The following SHANK1 variants were observed in gnomAD, a reference collection of about 807,000 sequenced individuals.
SHANK1 encodes the protein SH3 and multiple ankyrin repeat domains 1, also known as SH3 and multiple ankyrin repeat domains protein 1.
A neutral mutation model predicts 165.6 loss-of-function variants in SHANK1; 35 were observed. That is an observed-to-expected ratio of 0.21 (90% confidence interval 0.16 to 0.28). SHANK1 has a LOEUF of 0.28. Ranked by LOEUF, SHANK1 falls within the 10% of genes least tolerant of loss-of-function variation. The probability of loss-of-function intolerance (pLI) is 1.00; values close to 1 mark genes in which losing one functional copy is unlikely to be tolerated. For synonymous variants in SHANK1, 1,428 were observed against 1,384.8 expected (o/e 1.03, Z -0.69); for missense variants, 2,681 against 3,036.4 (o/e 0.88, Z 2.75).
At chr19:50,677,048 G>T (rs911635103) in intron 21 of SHANK1, among the ~76,000 whole-genome samples, 1 of 152,156 alleles carries the variant, frequency 6.6e-6, no homozygotes, top group Non-Finnish European at 1.5e-5. Flanking sequence ...GGCTAAGATG[G>T]TGGAGCAGAA....
intron 8 of SHANK1, among the ~76,000 whole-genome samples, chr19:50,707,511 A>G (rs4801851): frequency 0.32 from 48,907 of 151,616 alleles, 8,359 homozygotes; most frequent in African/African-American, 0.39. Context: ...GCCCAGGGCC[A>G]CACAACCAGT....
Position 50,716,722 on chromosome 19 carries a change from G to T in SHANK1, c.198C>A (p.Asp66Glu). The change falls in exon 2 of 24, where the codon GAC becomes GAA. Residue 66 changes from aspartate (D) to glutamate (E), a missense_variant. This residue lies in a region of SHANK1 where 118 missense variants were observed against 106.9 expected (regional missense o/e 1.10). Coordinates refer to ENST00000293441, the MANE Select transcript of SHANK1 (RefSeq NM_016148.5). This position sits in a 1 kb window ranked among gnomAD's most constrained non-coding sequence, Gnocchi z 8.4. Reference sequence around the variant, plus strand: ...AGACCATCATGCTGAAGTGGGCGTCGTCTGGGACGGACATTGAGCGGCCCT... The same window carrying T: ...AGACCATCATGCTGAAGTGGGCGTCTTCTGGGACGGACATTGAGCGGCCCT... ...GLQGRSMSVP[D>E]DAHFSMMVFR... 1.2e-6 allele frequency: 2 copies of T among 1,605,900 alleles called. No individual in the cohort carries two copies. The highest frequency in any genetic ancestry group is 1.7e-6 in the Non-Finnish European group (2 of 1,176,098).
intron 12 of SHANK1, among the ~76,000 whole-genome samples, chr19:50,701,871 GT>G (rs1986926521): frequency 6.6e-6 from 1 of 152,214 alleles, no homozygotes; most frequent in Non-Finnish European, 1.5e-5. Context: ...CCAGATGAAG[GT>G]GGAAAAACCA....
chr19:50,679,943 GAGAT>G (rs1004214365), intron 21 of SHANK1, among the ~76,000 whole-genome samples: 3 of 151,902 alleles, frequency 2.0e-5, no homozygotes, highest in African/African-American at 7.3e-5. Context: ...TAGGGAGACA[GAGAT>G]AGAGAGACAG....
chr19:50,661,517 G>T lies in SHANK1; in HGVS notation c.*448C>A, dbSNP rs1985221689. Among the ~76,000 whole-genome samples, 1 of 151,022 alleles carries T rather than the reference G, an allele frequency of 6.6e-6. No individual in the cohort carries two copies. Among genetic ancestry groups the T allele is most frequent in the Non-Finnish European group, 1.5e-5 (1 of 67,742 alleles). ...GTGCTGGGGAGAGGGGAAGGGGGGA[G>T]AGCTGAGGGGCCTGGAGAGAGTGGG... On this transcript the variant is annotated 3_prime_UTR_variant, in exon 24 of 24. Coordinates refer to ENST00000293441, the MANE Select transcript of SHANK1 (RefSeq NM_016148.5).
At chr19:50,671,765 C>A (rs1234266267) in intron 22 of SHANK1, among the ~76,000 whole-genome samples, 4 of 152,088 alleles carry the variant, frequency 2.6e-5, no homozygotes, top group Non-Finnish European at 5.9e-5. Flanking sequence ...CTCACTGCAT[C>A]CCCATTCTCC....
In SHANK1 at chr19:50,688,996, C is replaced by T. The variant is rs779537101; in HGVS notation, c.2048-28G>A. The T allele has an allele frequency of 8.4e-6, 11 of 1,314,796 alleles. 1 individual carries two copies. The East Asian group carries it at 1.1e-4, about 13-fold the overall frequency. 81.4% of individuals were successfully genotyped at this position (1,314,796 alleles called of 1,614,324 possible). A position where few individuals can be genotyped will look rare whatever the true frequency, so the allele number is the denominator to read the frequency against. On this transcript the variant is annotated intron_variant, in intron 16 of 23. Coordinates refer to ENST00000293441, the MANE Select transcript of SHANK1 (RefSeq NM_016148.5). The surrounding 1 kb of genome is among the most constrained non-coding windows in gnomAD (Gnocchi z 6.7). ...GCAGACAGGGAGGAGCCGGCGGGGT[C>T]GGAGGGGAGGGGGTGGAGAGGCCGA...
intron 10 of SHANK1, 68 bp downstream of exon 10, chr19:50,704,051 TC>T: frequency 1.3e-6 from 2 of 1,493,918 alleles, no homozygotes; most frequent in Non-Finnish European, 1.9e-6. Flanking sequence ...GTCCCCCAAC[TC>T]CCCCATCCCA....
intron 9 of SHANK1, 28 bp from the exon 10 acceptor site, chr19:50,704,214 G>A: frequency 1.2e-6 from 2 of 1,609,034 alleles, no homozygotes; most frequent in Non-Finnish European, 1.7e-6. Context: ...AGGCAGGTCG[G>A]CCAGGGGGGC....
rs1986329493 is a variant in SHANK1, at chr19:50,686,242, T to C, written c.2572A>G (p.Thr858Ala). 1 of 1,593,120 alleles carries C rather than the reference T, an allele frequency of 6.3e-7. No individual in the cohort carries two copies. The highest frequency in any genetic ancestry group is 1.3e-5 in the African/African-American group (1 of 74,268). The change falls in exon 21 of 24, where the codon ACT becomes GCT. Residue 858 changes from threonine (T) to alanine (A), a missense_variant. Thr to Ala is a moderately conservative substitution (Grantham distance 58). Around this residue, in one of 10 missense-constraint regions of SHANK1, gnomAD observed 206 missense variants for 216.0 expected, o/e 0.95. Transcript: ENST00000293441. The surrounding 1 kb of genome is among the most constrained non-coding windows in gnomAD (Gnocchi z 5.7). ...CCCCACACCAGGCCGCCTACCTCAG[T>C]GGCAAAGAAACCTTTGGGTCGGTGT... is the stretch of plus-strand genomic sequence containing the variant. ...GKHRPKGFFA[T>A]ESSFDPHHRA... is the part of the protein sequence containing the mutation.
intron 15 of SHANK1, 163 bp from the exon 16 acceptor site, chr19:50,689,442 C>T (rs1280787076): frequency 1.4e-6 from 1 of 714,744 alleles, no homozygotes. Context: ...TGTGTGTATG[C>T]TAGCCCTGAT....
intron 21 of SHANK1, among the ~76,000 whole-genome samples, chr19:50,673,666 A>G (rs1599845090): frequency 6.6e-6 from 1 of 152,178 alleles, no homozygotes; most frequent in African/African-American, 2.4e-5. Context: ...TATCCCAGGC[A>G]TCGCACCTAC....
chr19:50,662,259 C>A lies in SHANK1; in HGVS notation c.6192G>T (p.Gly2064=). The A allele has an allele frequency of 1.9e-6, 3 of 1,610,610 alleles. No individual in the cohort carries two copies. The highest frequency in any genetic ancestry group is 2.5e-6 in the Non-Finnish European group (3 of 1,177,676). Residue 2064 remains glycine, a synonymous_variant, in exon 24 of 24, where the codon GGG becomes GGT. Transcript: ENST00000293441. The surrounding 1 kb of genome is among the most constrained non-coding windows in gnomAD (Gnocchi z 7.7). The part of the protein sequence containing the change: ...FVPPHPGISG[G]LGGALSGASR... ...AGGCCCCTGACAAGGCTCCCCCGAG[C>A]CCCCCGGATATCCCCGGGTGTGGCG...
chr19:50,709,355 A>C (rs1376110600), intron 8 of SHANK1, among the ~76,000 whole-genome samples: 2 of 151,982 alleles, frequency 1.3e-5, no homozygotes, highest in Non-Finnish European at 2.9e-5. Flanking sequence ...GTTAGCCAGG[A>C]TGGTCTCAAT....
chr19:50,677,316 CAG>C (rs1486953888), intron 21 of SHANK1, among the ~76,000 whole-genome samples: 1 of 151,976 alleles, frequency 6.6e-6, no homozygotes, highest in African/African-American at 2.4e-5. Flanking sequence ...TTAGTAGAGA[CAG>C]GGGTTCACCA....
chr19:50,669,267 C>G lies in SHANK1; in HGVS notation c.2693G>C (p.Arg898Thr), dbSNP rs1215483116. The G allele has an allele frequency of 6.2e-7, 1 of 1,610,222 alleles. No individual in the cohort carries two copies. The highest frequency in any genetic ancestry group is 1.1e-5 in the South Asian group (1 of 90,490). ...QKSIGAAEDD[R>T]PYLAPPAMKF... Reference sequence around the variant, plus strand: ...CATGGCTGGGGGTGCTAGGTAAGGTCTGTCATCTTCTGCCGCACCTGGGGA... The same window carrying G: ...CATGGCTGGGGGTGCTAGGTAAGGTGTGTCATCTTCTGCCGCACCTGGGGA... Residue 898 changes from arginine to threonine, a missense_variant, in exon 23 of 24, where the codon AGA (arginine) becomes ACA (threonine). By Grantham distance (71) the Arg-to-Thr change is moderately conservative (BLOSUM62 -1). Coordinates refer to ENST00000293441, the MANE Select transcript of SHANK1 (RefSeq NM_016148.5).
intron 4 of SHANK1, among the ~76,000 whole-genome samples, chr19:50,714,589 GGA>G (rs1189023936): frequency 2.7e-4 from 41 of 151,754 alleles, no homozygotes; most frequent in Non-Finnish European, 4.0e-4. Context: ...CAGCTACTCG[GGA>G]GGCTGAGCTG....
chr19:50,700,867 C>T lies in SHANK1; in HGVS notation c.1747+1600G>A, dbSNP rs564555300. Among the ~76,000 whole-genome samples the T allele has an allele frequency of 7.8e-4, 119 of 152,224 alleles. 1 individual carries two copies. Among genetic ancestry groups the T allele is most frequent in the African/African-American group, 2.7e-3 (112 of 41,520 alleles). ...GGCAGCTGGCCCTGAAGGAGCTGCA[C>T]CTGGCCCCCACAGTAGCTCCTGAAT... On this transcript the variant is annotated intron_variant, in intron 12 of 23. Transcript: ENST00000293441.
chr19:50,690,237 A>C lies in SHANK1; in HGVS notation c.1965-958T>G, dbSNP rs997157517. 2.0e-5 allele frequency among the ~76,000 whole-genome samples: 3 copies of C among 152,132 alleles called. No individual in the cohort carries two copies. The highest frequency in any genetic ancestry group is 7.2e-5 in the African/African-American group (3 of 41,400). On this transcript the variant is annotated intron_variant, in intron 15 of 23. Coordinates refer to ENST00000293441, the MANE Select transcript of SHANK1 (RefSeq NM_016148.5). The surrounding 1 kb of genome is among the most constrained non-coding windows in gnomAD (Gnocchi z 4.9). ...ATGGGTGGTAGTTTCCAGTAAAGCC[A>C]TCAAATGCCACCAGCACATTTAGGT...
Sources: gnomAD v4.1 joint callset for allele counts (sites outside exome capture counted in the v4.1 genomes callset) on GRCh38, gnomAD v4.1.1 for gene constraint, gnomAD v4.1.1 regional missense constraint, Gnocchi (gnomAD v3.1) non-coding constraint, MANE v1.5 for transcripts, NCBI Gene and HGNC (gene_info 2026-07-23, HGNC 2026-07-21) for gene names.